SIAH2: variants seen among roughly 807,000 people sequenced by gnomAD.
SIAH2 encodes E3 ubiquitin-protein ligase SIAH2.
Under a neutral mutation model 20.4 loss-of-function variants are expected in SIAH2, and 4 were observed. The observed-to-expected ratio is 0.20, with a 90% confidence interval of 0.10 to 0.45. SIAH2 has a LOEUF of 0.45. SIAH2 is among the 20% of genes least tolerant of loss of function. The pLI, the probability that SIAH2 is intolerant of heterozygous loss-of-function variation, is 0.99. For missense variants in SIAH2, 259 were observed against 440.3 expected (o/e 0.59, Z 3.69); for synonymous variants, 171 against 192.5 (o/e 0.89, Z 0.93).
chr3:150,752,180 C>G (rs1477290777), intron 1 of SIAH2, among the ~76,000 whole-genome samples: 9 of 152,212 alleles, frequency 5.9e-5, no homozygotes, highest in African/African-American at 2.2e-4. Flanking sequence ...CCTCACTCTT[C>G]CATGCCAGGT....
intron 1 of SIAH2, among the ~76,000 whole-genome samples, chr3:150,753,785 C>G (rs976124897): frequency 6.6e-6 from 1 of 151,000 alleles, no homozygotes; most frequent in African/African-American, 2.4e-5. Context: ...CAGAACTAGA[C>G]CCTGTCTCGA....
At chr3:150,743,031 A>G (rs1339378985) in intron 1 of SIAH2, among the ~76,000 whole-genome samples, 2 of 152,072 alleles carry the variant, frequency 1.3e-5, no homozygotes, top group African/African-American at 4.8e-5. Context: ...TCTTCCCCAT[A>G]TTTTCTGTGA....
rs1714630522 is a variant in SIAH2, at chr3:150,762,214, A to G, written c.417+219T>C. On this transcript the variant is annotated intron_variant, in intron 1 of 1. Transcript: ENST00000312960. This position sits in a 1 kb window ranked among gnomAD's most constrained non-coding sequence, Gnocchi z 6.6. ...TTCTAACGATCAGCAAATGCCAATT[A>G]ATCTGTTAATTGTCTATTAACAATT... 6 of 941,948 alleles carry G rather than the reference A, an allele frequency of 6.4e-6. No homozygotes were observed. 58.3% of individuals were successfully genotyped at this position (941,948 alleles called of 1,614,324 possible). A position where few individuals can be genotyped will look rare whatever the true frequency, so the allele number is the denominator to read the frequency against.
chr3:150,760,841 C>T (rs1714593803), intron 1 of SIAH2, among the ~76,000 whole-genome samples: 1 of 152,212 alleles, frequency 6.6e-6, no homozygotes, highest in East Asian at 1.9e-4. Flanking sequence ...CTTTTCCAAC[C>T]ACTAGGTTGT....
intron 1 of SIAH2, among the ~76,000 whole-genome samples, chr3:150,747,734 A>G (rs1714253050): frequency 6.6e-6 from 1 of 152,064 alleles, no homozygotes; most frequent in Non-Finnish European, 1.5e-5. Flanking sequence ...TGAGGTCAGG[A>G]GTTCGAGACC....
At chr3:150,757,906 CA>C (rs1040698229) in intron 1 of SIAH2, among the ~76,000 whole-genome samples, 5 of 152,142 alleles carry the variant, frequency 3.3e-5, no homozygotes, top group African/African-American at 1.2e-4. Context: ...CCAACCCCAC[CA>C]ATCAGCCAGA....
chr3:150,748,236 GT>G, intron 1 of SIAH2, among the ~76,000 whole-genome samples: 1 of 152,132 alleles, frequency 6.6e-6, no homozygotes, highest in Non-Finnish European at 1.5e-5. Flanking sequence ...TTTAGGCAGG[GT>G]TTTTCCCTTT....
intron 1 of SIAH2, among the ~76,000 whole-genome samples, chr3:150,752,583 T>C (rs1358672145): frequency 6.6e-6 from 1 of 151,980 alleles, no homozygotes; most frequent in Non-Finnish European, 1.5e-5. Flanking sequence ...CACTCCAGCC[T>C]GGGCGACAGA....
chr3:150,744,625 AAC>A (rs1559935104), intron 1 of SIAH2, among the ~76,000 whole-genome samples: 1 of 152,134 alleles, frequency 6.6e-6, no homozygotes, highest in African/African-American at 2.4e-5. Context: ...AGTTTAAAAA[AAC>A]ACACACACAC....
chr3:150,762,819 C>A lies in SIAH2; in HGVS notation c.31G>T (p.Ala11Ser), dbSNP rs768715356. Residue 11 changes from alanine (A) to serine (S), a missense_variant, in exon 1 of 2, where the codon GCT becomes TCT. By Grantham distance (99) the Ala-to-Ser change is moderately conservative. Transcript: ENST00000312960. The surrounding 1 kb of genome is among the most constrained non-coding windows in gnomAD (Gnocchi z 6.6). ...GGCTGCTTGCTGCAGGGTTTATTAG[C>A]GCTGGGGCCGGTGGAGGACGGGCGG... MSRPSSTGPS[A>S]NKPCSKQPPP... 6 of 1,221,488 alleles carry A rather than the reference C, an allele frequency of 4.9e-6. No individual in the cohort carries two copies. The Admixed American group carries it at 2.1e-4, about 42-fold the overall frequency. 75.7% of individuals were successfully genotyped at this position (1,221,488 alleles called of 1,614,324 possible). A position where few individuals can be genotyped will look rare whatever the true frequency, so the allele number is the denominator to read the frequency against.
chr3:150,757,540 A>G (rs1430458399), intron 1 of SIAH2, among the ~76,000 whole-genome samples: 1 of 152,218 alleles, frequency 6.6e-6, no homozygotes. Flanking sequence ...GGCTCAAGGA[A>G]TGCTTCTACA....
At chr3:150,753,342 C>T (rs925549456) in intron 1 of SIAH2, among the ~76,000 whole-genome samples, 1 of 152,170 alleles carries the variant, frequency 6.6e-6, no homozygotes, top group African/African-American at 2.4e-5. Flanking sequence ...GGGTCAGCAG[C>T]GGCCAACTCT....
intron 1 of SIAH2, among the ~76,000 whole-genome samples, chr3:150,743,397 C>T (rs1714141410): frequency 6.6e-6 from 1 of 152,246 alleles, no homozygotes; most frequent in Admixed American, 6.5e-5. Context: ...AGCTACTTAA[C>T]TAACTCAGAA....
chr3:150,758,208 A>C (rs904721563), intron 1 of SIAH2, among the ~76,000 whole-genome samples: 2 of 152,268 alleles, frequency 1.3e-5, no homozygotes, highest in South Asian at 4.1e-4. Context: ...AACCACAGAG[A>C]AGACTTGTCC....
rs1161241279 is a variant in SIAH2 at position 150,755,930 on chromosome 3, A to T, written c.417+6503T>A. ...CTCCCAAAATGCTGGGATTACAGGC[A>T]TGAGCCACCACACCTGACCAGGAAT... On this transcript the variant is annotated intron_variant, in intron 1 of 1. Coordinates refer to ENST00000312960, the MANE Select transcript of SIAH2 (RefSeq NM_005067.7). 2.0e-5 allele frequency among the ~76,000 whole-genome samples: 3 copies of T among 152,240 alleles called. No individual in the cohort carries two copies. The South Asian group carries it at 6.2e-4, about 31-fold the overall frequency.
chr3:150,754,508 A>G (rs1219952509), intron 1 of SIAH2, among the ~76,000 whole-genome samples: 1 of 152,174 alleles, frequency 6.6e-6, no homozygotes, highest in Non-Finnish European at 1.5e-5. Context: ...TGGGGATTAC[A>G]ATTGAACATG....
intron 1 of SIAH2, among the ~76,000 whole-genome samples, chr3:150,744,964 T>C (rs944690056): frequency 1.3e-5 from 2 of 152,104 alleles, no homozygotes; most frequent in African/African-American, 4.8e-5. Context: ...CACCCAAATA[T>C]ACAGAACAGG....
chr3:150,760,139 G>A (rs149767608), intron 1 of SIAH2, among the ~76,000 whole-genome samples: 170 of 152,210 alleles, frequency 1.1e-3, no homozygotes, highest in African/African-American at 3.9e-3. Context: ...TTGGTTGGTC[G>A]CTGGGCCTAT....
At chr3:150,758,459 G>A (rs937556696) in intron 1 of SIAH2, among the ~76,000 whole-genome samples, 6 of 151,812 alleles carry the variant, frequency 4.0e-5, no homozygotes, top group African/African-American at 1.2e-4. Context: ...CTGAAGGGGT[G>A]AGTTTAAGTC....
Sources: gnomAD v4.1 joint callset for allele counts (sites outside exome capture counted in the v4.1 genomes callset) on GRCh38, gnomAD v4.1.1 for gene constraint, Gnocchi (gnomAD v3.1) non-coding constraint, MANE v1.5 for transcripts, NCBI Gene and HGNC (gene_info 2026-07-23, HGNC 2026-07-21) for gene names.